DERA: variants seen among roughly 807,000 people sequenced by gnomAD.
DERA encodes deoxyribose-phosphate aldolase.
A neutral mutation model predicts 41.1 loss-of-function variants in DERA; 15 were observed. The ratio of observed to expected loss-of-function variants is 0.37; its 90% confidence interval spans 0.24 to 0.56. The LOEUF is 0.56. Ranked by LOEUF, DERA falls within the 20% of genes least tolerant of loss-of-function variation. The probability of loss-of-function intolerance (pLI) is 0.81; values close to 1 mark genes in which losing one functional copy is unlikely to be tolerated. For synonymous variants in DERA, 139 were observed against 137.4 expected (o/e 1.01, Z -0.08); for missense variants, 396 against 403.4 (o/e 0.98, Z 0.16).
Position 15,982,591 on chromosome 12 carries a change from G to A in DERA, c.637+155G>A, listed in dbSNP as rs1948740370. Among the ~76,000 whole-genome samples the A allele has an allele frequency of 6.6e-6, 1 of 152,182 alleles. No homozygotes were observed. Among genetic ancestry groups the A allele is most frequent in the South Asian group, 2.1e-4 (1 of 4,830 alleles). On this transcript the variant is annotated intron_variant, in intron 6 of 8. Transcript: ENST00000428559. This position sits in a 1 kb window ranked among gnomAD's most constrained non-coding sequence, Gnocchi z 4.0. ...TATTTTGTAAAAACATGTTCAATGT[G>A]AAGTGGTCAAAAACTCCTGGCTTTC...
chr12:15,915,391 GGGTGAT>G lies in DERA; in HGVS notation c.31+3984_31+3989del, dbSNP rs1216087392. Among the ~76,000 whole-genome samples the G allele has an allele frequency of 6.6e-6, 1 of 152,068 alleles. No homozygotes were observed. The highest frequency in any genetic ancestry group is 2.4e-5 in the African/African-American group (1 of 41,398). Reference sequence around the variant, plus strand: ...CTTGGGTACAGAATGTTTCTGATTTGGGTGATGGTGATTTTCCACTGCAAAGTTAAC... The same window carrying G: ...CTTGGGTACAGAATGTTTCTGATTTGGGTGATTTTCCACTGCAAAGTTAAC... On this transcript the variant is annotated intron_variant, in intron 1 of 8. Coordinates refer to ENST00000428559, the MANE Select transcript of DERA (RefSeq NM_015954.4). This position sits in a 1 kb window ranked among gnomAD's most constrained non-coding sequence, Gnocchi z 4.8.
At chr12:16,034,178 C>T (rs1949111897) in intron 7 of DERA, among the ~76,000 whole-genome samples, 1 of 152,166 alleles carries the variant, frequency 6.6e-6, no homozygotes, top group South Asian at 2.1e-4. Context: ...GTTCCATTGC[C>T]AGGGTTCAGA....
rs1592061070 is a variant in DERA at position 16,035,751 on chromosome 12, A to G, written c.751-481A>G. Among the ~76,000 whole-genome samples the G allele has an allele frequency of 6.6e-6, 1 of 152,198 alleles. No individual in the cohort carries two copies. The highest frequency in any genetic ancestry group is 1.9e-4 in the East Asian group (1 of 5,188). ...TTTTGCTGCCAGTTTGGTTAGGGTA[A>G]CCTTGCAGCCTTGCTGATTCTGTCC... On this transcript the variant is annotated intron_variant, in intron 7 of 8. Transcript: ENST00000428559. The surrounding 1 kb of genome is among the most constrained non-coding windows in gnomAD (Gnocchi z 4.1).
chr12:15,911,642 A>C lies in DERA; in HGVS notation c.31+228A>C. The C allele has an allele frequency of 1.4e-6, 1 of 696,112 alleles. No homozygotes were observed. The highest frequency in any genetic ancestry group is 2.6e-6 in the Non-Finnish European group (1 of 381,656). The allele number at this position is 696,112 out of a possible 1,614,324, so 43.1% of individuals were successfully genotyped here. A position where few individuals can be genotyped will look rare whatever the true frequency, so the allele number is the denominator to read the frequency against. On this transcript the variant is annotated intron_variant, in intron 1 of 8. Transcript: ENST00000428559. This position sits in a 1 kb window ranked among gnomAD's most constrained non-coding sequence, Gnocchi z 4.5. ...AGCTTTTACTCTTGTATGCGGAAGG[A>C]GTAGGAAAGGGTTAGATTATTATCT...
In DERA at chr12:16,025,088, GAT is replaced by G. The variant is rs1476245231; in HGVS notation, c.638-7452_638-7451del. ...CAAAAGTATGATTGATATGAGAAGA[GAT>G]AAAATGGAATAATATAAAATGCTCA... On this transcript the variant is annotated intron_variant, in intron 6 of 8. Transcript: ENST00000428559. Among the ~76,000 whole-genome samples, 129 of 151,758 alleles carry G rather than the reference GAT, an allele frequency of 8.5e-4. 1 individual carries two copies. Among genetic ancestry groups the G allele is most frequent in the African/African-American group, 3.0e-3 (126 of 41,396 alleles).
chr12:15,920,854 C>A (rs895844861), intron 1 of DERA, among the ~76,000 whole-genome samples: 1 of 152,040 alleles, frequency 6.6e-6, no homozygotes, highest in South Asian at 2.1e-4. Flanking sequence ...ATACCCCCCC[C>A]AAAAATACCA....
intron 1 of DERA, among the ~76,000 whole-genome samples, chr12:15,912,454 C>T (rs535559306): frequency 1.4e-4 from 22 of 152,254 alleles, no homozygotes; most frequent in Non-Finnish European, 2.4e-4. Flanking sequence ...TTAAGCGTCT[C>T]GTTTAAGTAT....
rs1287518778 is a variant in DERA at position 15,980,675 on chromosome 12, C to T, written c.509-1633C>T. ...AGGTAGGTGGTGTGGCATCTCAGAT[C>T]ATCCCTAGTACTCAGAACTGCACGT... is the stretch of plus-strand genomic sequence containing the variant. On this transcript the variant is annotated intron_variant, in intron 5 of 8. Transcript: ENST00000428559. Among the ~76,000 whole-genome samples the T allele has an allele frequency of 2.0e-5, 3 of 152,080 alleles. No homozygotes were observed. In the East Asian group the frequency reaches 5.8e-4, roughly 29 times the overall value.
chr12:15,984,146 A>G lies in DERA; in HGVS notation c.637+1710A>G, dbSNP rs978750860. Among the ~76,000 whole-genome samples, 9 of 152,184 alleles carry G rather than the reference A, an allele frequency of 5.9e-5. No homozygotes were observed. Among genetic ancestry groups the G allele is most frequent in the Non-Finnish European group, 1.3e-4 (9 of 68,030 alleles). On this transcript the variant is annotated intron_variant, in intron 6 of 8. Transcript: ENST00000428559. The surrounding 1 kb of genome is among the most constrained non-coding windows in gnomAD (Gnocchi z 4.5). ...GGTAGCCACGCTGTTGGTTGTGCAC[A>G]TGGAGCTGAGATACTCCTCAGGGTC...
At position 15,943,856 on chromosome 12, in the gene DERA, C is replaced by T. The variant is rs903173264; in HGVS notation, c.32-13080C>T. 6.6e-6 allele frequency among the ~76,000 whole-genome samples: 1 copy of T among 150,760 alleles called. No homozygotes were observed. On this transcript the variant is annotated intron_variant, in intron 1 of 8. Coordinates refer to ENST00000428559, the MANE Select transcript of DERA (RefSeq NM_015954.4). The surrounding 1 kb of genome is among the most constrained non-coding windows in gnomAD (Gnocchi z 4.5). ...AACTCGTCATTTACATTACGTATTT[C>T]TCCTAATGCTATCCCTCCCCCCTCC...
intron 6 of DERA, among the ~76,000 whole-genome samples, chr12:16,028,832 G>A (rs1469067931): frequency 1.3e-5 from 2 of 152,168 alleles, no homozygotes; most frequent in South Asian, 4.1e-4. Flanking sequence ...TTTCAAAACT[G>A]TCAAGATCAT....
At chr12:15,949,282 G>T (rs888777173) in intron 1 of DERA, among the ~76,000 whole-genome samples, 31 of 152,272 alleles carry the variant, frequency 2.0e-4, no homozygotes, top group South Asian at 4.1e-4. Context: ...GTTTGGCTAT[G>T]CCCTGCCCCT....
In DERA at chr12:15,965,307, A is replaced by G. The variant is rs1277258271; in HGVS notation, c.508+2360A>G. On this transcript the variant is annotated intron_variant, in intron 5 of 8. Transcript: ENST00000428559. This position sits in a 1 kb window ranked among gnomAD's most constrained non-coding sequence, Gnocchi z 4.1. ...TAGAAAGAACCCCATTTTATTTTTT[A>G]AGTTCTGGGGTACATGTGCAGAATG... Among the ~76,000 whole-genome samples, 1 of 152,132 alleles carries G rather than the reference A, an allele frequency of 6.6e-6. No homozygotes were observed. The highest frequency in any genetic ancestry group is 1.5e-5 in the Non-Finnish European group (1 of 68,022).
In DERA at chr12:15,998,035, C is replaced by T. The variant is rs559925268; in HGVS notation, c.637+15599C>T. On this transcript the variant is annotated intron_variant, in intron 6 of 8. Coordinates refer to ENST00000428559, the MANE Select transcript of DERA (RefSeq NM_015954.4). The surrounding 1 kb of genome is among the most constrained non-coding windows in gnomAD (Gnocchi z 4.8). ...AGGTCAAATTCATAAGAAATTTGCC[C>T]GAGGACAAATAACTAAAGTCAAAAC... Among the ~76,000 whole-genome samples the T allele has an allele frequency of 4.6e-5, 7 of 152,174 alleles. No individual in the cohort carries two copies. In the South Asian group the frequency reaches 8.3e-4, roughly 18 times the overall value.
intron 1 of DERA, among the ~76,000 whole-genome samples, chr12:15,948,260 G>T (rs954052192): frequency 5.3e-5 from 8 of 152,134 alleles, no homozygotes; most frequent in Non-Finnish European, 7.3e-5. Context: ...GCCTTGCTAG[G>T]TTGGGGAAGT....
chr12:15,944,555 C>T (rs564383534), intron 1 of DERA, among the ~76,000 whole-genome samples: 46 of 152,150 alleles, frequency 3.0e-4, no homozygotes, highest in South Asian at 6.2e-4. Flanking sequence ...TCATATCCTT[C>T]GCCCACTTTT....
At chr12:16,016,680 T>C (rs988665885) in intron 6 of DERA, among the ~76,000 whole-genome samples, 2 of 149,140 alleles carry the variant, frequency 1.3e-5, no homozygotes, top group African/African-American at 5.0e-5. Context: ...TACTCCCAGC[T>C]ACGTGGAGGG....
At chr12:15,952,441 C>T (rs1948505597) in intron 1 of DERA, among the ~76,000 whole-genome samples, 1 of 152,068 alleles carries the variant, frequency 6.6e-6, no homozygotes, top group African/African-American at 2.4e-5. Flanking sequence ...GACTTCTGGT[C>T]ACCTGTATCA....
chr12:15,934,371 G>A (rs537644946), intron 1 of DERA, among the ~76,000 whole-genome samples: 1 of 152,230 alleles, frequency 6.6e-6, no homozygotes, highest in African/African-American at 2.4e-5. Context: ...TGAATCACAA[G>A]GTCAGGAGAT....
Sources: gnomAD v4.1 joint callset for allele counts (sites outside exome capture counted in the v4.1 genomes callset) on GRCh38, gnomAD v4.1.1 for gene constraint, Gnocchi (gnomAD v3.1) non-coding constraint, MANE v1.5 for transcripts, NCBI Gene and HGNC (gene_info 2026-07-23, HGNC 2026-07-21) for gene names.